UTRN: variants seen among roughly 807,000 people sequenced by gnomAD.
UTRN encodes utrophin.
UTRN carries 283 observed loss-of-function variants against 463.9 expected under a neutral mutation model. That is an observed-to-expected ratio of 0.61 (90% CI 0.55 to 0.67). The LOEUF is 0.67. UTRN is among the 30% of genes least tolerant of loss of function. UTRN has a pLI of 0.00. For missense variants in UTRN, 3,922 were observed against 4,084.3 expected (o/e 0.96, Z 1.08); for synonymous variants, 1,442 against 1,431.5 (o/e 1.01, Z -0.17).
At chr6:144,754,935 AG>A (rs1248300734) in intron 57 of UTRN, 137 bp downstream of exon 57, 19 of 751,646 alleles carry the variant, frequency 2.5e-5, no homozygotes, top group Non-Finnish European at 3.8e-5. Context: ...CTAACATCAA[AG>A]AAAATATTGC....
At chr6:144,582,466 G>A (rs1392762374) in intron 51 of UTRN, among the ~76,000 whole-genome samples, 1 of 152,022 alleles carries the variant, frequency 6.6e-6, no homozygotes, top group Non-Finnish European at 1.5e-5. Flanking sequence ...TCTCAAGTGT[G>A]TGTATATATA....
chr6:144,514,172 G>T, intron 36 of UTRN, 135 bp downstream of exon 36: 1 of 1,242,546 alleles, frequency 8.0e-7, no homozygotes, highest in Non-Finnish European at 1.1e-6. Context: ...ATTTTGATGG[G>T]AGAAACTGAG....
intron 51 of UTRN, among the ~76,000 whole-genome samples, chr6:144,607,599 C>T (rs1161179324): frequency 6.6e-6 from 1 of 152,130 alleles, no homozygotes; most frequent in Non-Finnish European, 1.5e-5. Context: ...ATTTTTTGGG[C>T]ACTTTGAAAC....
At chr6:144,489,510 C>T (rs1792825865) in intron 30 of UTRN, among the ~76,000 whole-genome samples, 1 of 152,086 alleles carries the variant, frequency 6.6e-6, no homozygotes, top group Non-Finnish European at 1.5e-5. Flanking sequence ...CAATTCCTTC[C>T]TTATAAATAA....
chr6:144,840,729 T>TTTTTTTTTTTTGAGACGGA lies in UTRN; in HGVS notation c.10178-11_10178-10insTTTTTTTTTTTGAGACGGA. On this transcript the variant is annotated splice_polypyrimidine_tract_variant and intron_variant, in intron 72 of 74. Coordinates refer to ENST00000367545, the MANE Select transcript of UTRN (RefSeq NM_007124.3). ...GAGAAGCTTTGTTGTTCTCTTTATT[T>TTTTTTTTTTTTGAGACGGA]GCTGTCACAGCGGGAGAGGACCTGC... is the stretch of plus-strand genomic sequence containing the variant. 6.2e-7 allele frequency: 1 copy of TTTTTTTTTTTTGAGACGGA among 1,613,638 alleles called. No individual in the cohort carries two copies. The highest frequency in any genetic ancestry group is 8.5e-7 in the Non-Finnish European group (1 of 1,179,892).
Position 144,531,188 on chromosome 6 carries a change from A to G in UTRN, c.6043A>G (p.Arg2015Gly). The change falls in exon 42 of 75, where the codon AGG becomes GGG. Residue 2015 changes from arginine to glycine, a missense_variant. Arg to Gly is a moderately radical substitution (Grantham distance 125, BLOSUM62 -2). Transcript: ENST00000367545. ...PGGSLDLEKA[R>G]IHQQELEVGI... ...TGGCAGCCTGGACTTAGAGAAAGCC[A>G]GGATACATCAGCAGGTGAGTGCTTT... 2.5e-6 allele frequency: 4 copies of G among 1,613,846 alleles called. 1 individual carries two copies. Among genetic ancestry groups the G allele is most frequent in the Non-Finnish European group, 3.4e-6 (4 of 1,179,824 alleles).
chr6:144,507,971 A>C (rs1159475412), intron 34 of UTRN, among the ~76,000 whole-genome samples: 1 of 152,162 alleles, frequency 6.6e-6, no homozygotes, highest in Non-Finnish European at 1.5e-5. Flanking sequence ...GTCTGGCTAC[A>C]GTTGCTTTTC....
intron 51 of UTRN, among the ~76,000 whole-genome samples, chr6:144,674,658 G>A (rs903440526): frequency 6.6e-6 from 1 of 152,114 alleles, no homozygotes; most frequent in African/African-American, 2.4e-5. Context: ...CCAGGCTCAA[G>A]CAGTCTTCCC....
intron 65 of UTRN, among the ~76,000 whole-genome samples, chr6:144,813,219 C>T (rs1161659105): frequency 3.3e-5 from 5 of 150,872 alleles, no homozygotes; most frequent in African/African-American, 7.4e-5. Context: ...AATGGAGTTT[C>T]GCTCTTGTTG....
chr6:144,630,687 AT>A (rs139463042), intron 51 of UTRN, among the ~76,000 whole-genome samples: 4,535 of 152,294 alleles, frequency 0.03, 241 homozygotes, highest in African/African-American at 0.1. Context: ...ATTAATAAAT[AT>A]TTATTGAATA....
chr6:144,714,373 C>T (rs940257614), intron 53 of UTRN, among the ~76,000 whole-genome samples: 1 of 152,158 alleles, frequency 6.6e-6, no homozygotes, highest in African/African-American at 2.4e-5. Context: ...CTTATATTCT[C>T]CAGTAAGCAG....
At chr6:144,550,045 C>T (rs943458718) in intron 47 of UTRN, among the ~76,000 whole-genome samples, 30 of 152,102 alleles carry the variant, frequency 2.0e-4, no homozygotes, top group African/African-American at 6.0e-4. Flanking sequence ...AGGCAAAGAG[C>T]CCTTTCTGAA....
At chr6:144,646,551 A>G (rs1778324198) in intron 51 of UTRN, among the ~76,000 whole-genome samples, 1 of 152,160 alleles carries the variant, frequency 6.6e-6, no homozygotes. Context: ...TATTAAGGAA[A>G]TATAAGATCC....
chr6:144,754,162 A>G (rs1586395205), intron 56 of UTRN, among the ~76,000 whole-genome samples: 1 of 151,804 alleles, frequency 6.6e-6, no homozygotes, highest in East Asian at 1.9e-4. Context: ...CTAGTTTCCT[A>G]GGCTTCTTTT....
chr6:144,663,308 G>A lies in UTRN; in HGVS notation c.7480-15098G>A, dbSNP rs116905153. Among the ~76,000 whole-genome samples, 4 of 152,214 alleles carry A rather than the reference G, an allele frequency of 2.6e-5. No individual in the cohort carries two copies. In the East Asian group the frequency reaches 7.7e-4, roughly 29 times the overall value. On this transcript the variant is annotated intron_variant, in intron 51 of 74. Coordinates refer to ENST00000367545, the MANE Select transcript of UTRN (RefSeq NM_007124.3). ...AGAAGTTGTGGCCATGGGCTCAAGG[G>A]TGACTATGGGAAGAGTTCACATTCA... is the stretch of plus-strand genomic sequence containing the variant.
intron 3 of UTRN, among the ~76,000 whole-genome samples, chr6:144,408,047 G>A (rs957346642): frequency 1.3e-5 from 2 of 152,082 alleles, no homozygotes; most frequent in Non-Finnish European, 2.9e-5. Flanking sequence ...AGACGCAATC[G>A]ATCATTATTA....
At chr6:144,561,224 T>C (rs1246874991) in intron 50 of UTRN, among the ~76,000 whole-genome samples, 14 of 57,916 alleles carry the variant, frequency 2.4e-4, no homozygotes, top group East Asian at 1.9e-3. Context: ...TATATATATA[T>C]ATATATATAT....
chr6:144,535,841 G>A (rs924199352), intron 43 of UTRN, among the ~76,000 whole-genome samples: 72 of 152,176 alleles, frequency 4.7e-4, no homozygotes, highest in Admixed American at 3.7e-3. Context: ...GTGCAATGGT[G>A]CAATCGTAGC....
chr6:144,610,484 C>CAA (rs1188658916), intron 51 of UTRN, among the ~76,000 whole-genome samples: 1 of 152,112 alleles, frequency 6.6e-6, no homozygotes, highest in Non-Finnish European at 1.5e-5. Flanking sequence ...TGAAATCTAC[C>CAA]AAATATTAAT....
Sources: allele counts gnomAD v4.1 joint callset (sites outside exome capture counted in the v4.1 genomes callset), GRCh38; gene constraint gnomAD v4.1.1; transcripts MANE v1.5; gene names NCBI Gene and HGNC (gene_info 2026-07-23, HGNC 2026-07-21).